Variants in ZNF516 observed in about 807,000 individuals in gnomAD.
The protein encoded by ZNF516 is zinc finger protein 516.
Under a neutral mutation model 79.7 loss-of-function variants are expected in ZNF516, and 19 were observed. That is an observed-to-expected ratio of 0.24 (90% CI 0.17 to 0.35). ZNF516 has a LOEUF of 0.35. Among genes scored for constraint, ZNF516 ranks in the 10% least tolerant of loss-of-function variants. The pLI, the probability that ZNF516 is intolerant of heterozygous loss-of-function variation, is 1.00. For synonymous variants in ZNF516, 877 were observed against 739.5 expected (o/e 1.19, Z -3.02); for missense variants, 1,678 against 1,679.5 (o/e 1.00, Z 0.02).
chr18:76,493,026 G>T lies in ZNF516; in HGVS notation c.-272+2118C>A. 1.0e-6 allele frequency: 1 copy of T among 985,302 alleles called. No homozygotes were observed. The highest frequency in any genetic ancestry group is 1.2e-6 in the Non-Finnish European group (1 of 830,030). The allele number at this position is 985,302 out of a possible 1,614,324, so 61.0% of individuals were successfully genotyped here. On this transcript the variant is annotated intron_variant, in intron 1 of 6. Coordinates refer to ENST00000443185, the MANE Select transcript of ZNF516 (RefSeq NM_014643.4). The surrounding 1 kb of genome is among the most constrained non-coding windows in gnomAD (Gnocchi z 5.2). ...CCAAATTACCTCCGGGATGGAGAAAGCCGCTGCGGATTGGCCAGCAGAGCC... is the reference window on the plus strand; with the variant it reads ...CCAAATTACCTCCGGGATGGAGAAATCCGCTGCGGATTGGCCAGCAGAGCC...
chr18:76,460,606 G>A (rs1205331434), intron 2 of ZNF516, among the ~76,000 whole-genome samples: 1 of 152,158 alleles, frequency 6.6e-6, no homozygotes, highest in Non-Finnish European at 1.5e-5. Flanking sequence ...GGAGGAAGGT[G>A]GCTGATCGAT....
At chr18:76,434,680 C>T (rs903015308) in intron 3 of ZNF516, among the ~76,000 whole-genome samples, 1 of 152,220 alleles carries the variant, frequency 6.6e-6, no homozygotes, top group Non-Finnish European at 1.5e-5. Context: ...GAATCTGAGC[C>T]GTCCTGGGAC....
chr18:76,433,798 G>A (rs1030758533), intron 3 of ZNF516, among the ~76,000 whole-genome samples: 1 of 152,164 alleles, frequency 6.6e-6, no homozygotes, highest in East Asian at 1.9e-4. Context: ...ACAGGAGGGC[G>A]ACAACACAAC....
intron 3 of ZNF516, among the ~76,000 whole-genome samples, chr18:76,407,114 T>G (rs34465734): frequency 0.021 from 3,195 of 152,082 alleles, 47 homozygotes; most frequent in Middle Eastern, 0.044. Flanking sequence ...CTTTGTGAGG[T>G]GGATTCAAGG....
chr18:76,394,540 GA>G (rs1271294550), intron 3 of ZNF516, among the ~76,000 whole-genome samples: 6 of 276 alleles, frequency 0.022, 2 homozygotes, highest in Non-Finnish European at 0.037. Flanking sequence ...CAGGTGGGGG[GA>G]AGGCAGGTGG....
intron 2 of ZNF516, among the ~76,000 whole-genome samples, chr18:76,462,130 G>A (rs1362473711): frequency 2.6e-5 from 4 of 152,118 alleles, no homozygotes; most frequent in Non-Finnish European, 5.9e-5. Context: ...CGTGTTTCCA[G>A]CCTCCGCCGA....
chr18:76,442,509 C>A lies in ZNF516; in HGVS notation c.546G>T (p.Gln182His). 1.9e-6 allele frequency: 3 copies of A among 1,601,500 alleles called. No homozygotes were observed. The highest frequency in any genetic ancestry group is 3.3e-5 in the Admixed American group (2 of 60,030). ...AAVQCSFCKS[Q>H]FERKKDLELH... ...GCTCCAGGTCCTTCTTACGCTCGAA[C>A]TGGCTCTTGCAGAAGGAGCACTGGA... Residue 182 changes from glutamine (Q) to histidine (H), a missense_variant, in exon 3 of 7, where the codon CAG becomes CAT. Around this residue, in one of 5 missense-constraint regions of ZNF516, gnomAD observed 279 missense variants for 254.1 expected, o/e 1.10. Coordinates refer to ENST00000443185, the MANE Select transcript of ZNF516 (RefSeq NM_014643.4).
At chr18:76,439,452 C>G (rs1190291566) in intron 3 of ZNF516, among the ~76,000 whole-genome samples, 1 of 152,158 alleles carries the variant, frequency 6.6e-6, no homozygotes, top group African/African-American at 2.4e-5. Context: ...TTGTTACATT[C>G]AACTATGATA....
intron 3 of ZNF516, among the ~76,000 whole-genome samples, chr18:76,423,185 A>C (rs1414153344): frequency 6.6e-6 from 1 of 152,232 alleles, no homozygotes; most frequent in East Asian, 1.9e-4. Context: ...AGGGATGCAT[A>C]TATGTTCCCA....
At chr18:76,486,313 TG>T (rs1363154698) in intron 1 of ZNF516, among the ~76,000 whole-genome samples, 1 of 152,220 alleles carries the variant, frequency 6.6e-6, no homozygotes, top group Non-Finnish European at 1.5e-5. Flanking sequence ...TGTCAGCTCA[TG>T]CAATATAGGT....
At chr18:76,461,680 G>A (rs1294616893) in intron 2 of ZNF516, among the ~76,000 whole-genome samples, 1 of 152,238 alleles carries the variant, frequency 6.6e-6, no homozygotes, top group Non-Finnish European at 1.5e-5. Context: ...GGCACACAGT[G>A]GGCGCTTGAC....
chr18:76,491,545 G>GCGGGGGGCGGGGGGCGGGCGC (rs893114817), intron 1 of ZNF516: 1,647 of 146,492 alleles, frequency 0.011, 16 homozygotes, highest in Middle Eastern at 0.023. Flanking sequence ...CATGACGGGG[G>GCGGGGGGCGGGGGGCGGGCGC]CGGGGGGCGG....
chr18:76,402,500 A>T (rs2075244552), intron 3 of ZNF516, among the ~76,000 whole-genome samples: 1 of 152,100 alleles, frequency 6.6e-6, no homozygotes, highest in African/African-American at 2.4e-5. Flanking sequence ...GACAGGACAG[A>T]CCATGGACCA....
intron 3 of ZNF516, among the ~76,000 whole-genome samples, chr18:76,429,850 A>G: frequency 6.6e-6 from 1 of 152,206 alleles, no homozygotes; most frequent in East Asian, 1.9e-4. Context: ...CACGGCTACC[A>G]GGCTGTTCTG....
intron 1 of ZNF516, chr18:76,491,545 G>GCGGGGGGCGGGGGGCGGGGGGCGGGCGC: frequency 6.8e-6 from 1 of 146,512 alleles, no homozygotes; most frequent in Non-Finnish European, 1.5e-5. Context: ...CATGACGGGG[G>GCGGGGGGCGGGGGGCGGGGGGCGGGCGC]CGGGGGGCGG....
At chr18:76,476,687 A>C (rs1214075035) in intron 1 of ZNF516, among the ~76,000 whole-genome samples, 1 of 152,164 alleles carries the variant, frequency 6.6e-6, no homozygotes, top group Non-Finnish European at 1.5e-5. Context: ...TTTTCCACTA[A>C]CCTCCAAAAC....
rs768044625 is a variant in ZNF516, at chr18:76,451,625, C to T, written c.-157-8414G>A. Among the ~76,000 whole-genome samples, 12 of 152,158 alleles carry T rather than the reference C, an allele frequency of 7.9e-5. No homozygotes were observed. The highest frequency in any genetic ancestry group is 1.2e-4 in the African/African-American group (5 of 41,438). On this transcript the variant is annotated intron_variant, in intron 2 of 6. Coordinates refer to ENST00000443185, the MANE Select transcript of ZNF516 (RefSeq NM_014643.4). This position sits in a 1 kb window ranked among gnomAD's most constrained non-coding sequence, Gnocchi z 6.0. ...GTCCCGGCCACAGCTACTACGGGGT[C>T]GGCGCAGAAGCCCGTGCGTGTGCTG...
chr18:76,472,361 CAT>C (rs34948341), intron 1 of ZNF516, among the ~76,000 whole-genome samples: 6,800 of 152,150 alleles, frequency 0.045, 491 homozygotes, highest in African/African-American at 0.15. Context: ...GACACTTGCA[CAT>C]GTGTGTGTGC....
chr18:76,421,466 A>G (rs920356809), intron 3 of ZNF516, among the ~76,000 whole-genome samples: 2 of 152,230 alleles, frequency 1.3e-5, no homozygotes, highest in Non-Finnish European at 2.9e-5. Context: ...TTTGTCTCAG[A>G]GCTGGAAAGC....
Sources: allele counts gnomAD v4.1 joint callset (sites outside exome capture counted in the v4.1 genomes callset), GRCh38; gene constraint gnomAD v4.1.1; regional missense constraint gnomAD v4.1.1; non-coding constraint Gnocchi (gnomAD v3.1); transcripts MANE v1.5; gene names NCBI Gene and HGNC (gene_info 2026-07-23, HGNC 2026-07-21).